Variants in GHR observed in about 807,000 individuals in gnomAD.
GHR encodes the protein growth hormone receptor.
A neutral mutation model predicts 67.1 loss-of-function variants in GHR; 35 were observed. The ratio of observed to expected loss-of-function variants is 0.52; its 90% confidence interval spans 0.40 to 0.69. The LOEUF (loss-of-function observed/expected upper bound fraction) is 0.69, where lower values mean the gene tolerates loss of function less well. GHR is among the 30% of genes least tolerant of loss of function. The probability of loss-of-function intolerance (pLI) is 0.00; values close to 1 mark genes in which losing one functional copy is unlikely to be tolerated. For missense variants in GHR, 792 were observed against 764.6 expected (o/e 1.04, Z -0.42); for synonymous variants, 272 against 269.1 (o/e 1.01, Z -0.10).
chr5:42,473,199 T>C (rs1313732506), intron 1 of GHR, among the ~76,000 whole-genome samples: 1 of 152,110 alleles, frequency 6.6e-6, no homozygotes, highest in Non-Finnish European at 1.5e-5. Flanking sequence ...AGTTTAACAA[T>C]GAGGCCTTAT....
chr5:42,459,957 C>T (rs933542287), intron 1 of GHR, among the ~76,000 whole-genome samples: 1 of 152,108 alleles, frequency 6.6e-6, no homozygotes, highest in African/African-American at 2.4e-5. Flanking sequence ...CTCCCAGCTC[C>T]CCAGATTCAC....
intron 2 of GHR, among the ~76,000 whole-genome samples, chr5:42,580,629 C>T (rs140437487): frequency 0.014 from 2,191 of 152,196 alleles, 22 homozygotes; most frequent in Middle Eastern, 0.034. Context: ...ATGAGGAAGC[C>T]GAGGCCCAGA....
chr5:42,458,916 A>C (rs887236212), intron 1 of GHR, among the ~76,000 whole-genome samples: 1 of 152,230 alleles, frequency 6.6e-6, no homozygotes, highest in Non-Finnish European at 1.5e-5. Context: ...ATGGAAATGC[A>C]AATCAAAACC....
chr5:42,548,462 G>C (rs1177799896), intron 1 of GHR: 3 of 984,892 alleles, frequency 3.0e-6, no homozygotes, highest in Non-Finnish European at 2.4e-6. Context: ...AAAAGTTCTT[G>C]ATATAAAGCC....
Position 42,424,560 on chromosome 5 carries a change from G to A in GHR, c.-12+605G>A. 4 of 1,532,832 alleles carry A rather than the reference G, an allele frequency of 2.6e-6. No individual in the cohort carries two copies. The South Asian group carries it at 3.6e-5, about 14-fold the overall frequency. 95.0% of individuals were successfully genotyped at this position (1,532,832 alleles called of 1,614,324 possible). On this transcript the variant is annotated intron_variant, in intron 1 of 9. Transcript: ENST00000230882. This position sits in a 1 kb window ranked among gnomAD's most constrained non-coding sequence, Gnocchi z 4.1. ...CGCACGTTGGCACCGATGGAACTGGGGTCAGTAGAGTGACAGCCACCAGTC... is the reference window on the plus strand; with the variant it reads ...CGCACGTTGGCACCGATGGAACTGGAGTCAGTAGAGTGACAGCCACCAGTC...
chr5:42,599,357 ATTTTTT>A (rs36037535), intron 2 of GHR, among the ~76,000 whole-genome samples: 1 of 103,922 alleles, frequency 9.6e-6, no homozygotes, highest in African/African-American at 4.0e-5. Context: ...CCTACAGCAC[ATTTTTT>A]TTTTTTTTTT....
At chr5:42,577,856 G>C (rs1209628333) in intron 2 of GHR, among the ~76,000 whole-genome samples, 1 of 152,154 alleles carries the variant, frequency 6.6e-6, no homozygotes, top group African/African-American at 2.4e-5. Context: ...TGAACTTGCT[G>C]TTCCTCTGTT....
chr5:42,540,334 G>A (rs1484339614), intron 1 of GHR, among the ~76,000 whole-genome samples: 10 of 151,920 alleles, frequency 6.6e-5, no homozygotes, highest in Non-Finnish European at 4.4e-5. Flanking sequence ...AGCTAAAAAT[G>A]CAAAGGTTTT....
At position 42,465,860 on chromosome 5, in the gene GHR, G is replaced by A. The variant is rs1160548214; in HGVS notation, c.-12+41905G>A. On this transcript the variant is annotated intron_variant, in intron 1 of 9. Coordinates refer to ENST00000230882, the MANE Select transcript of GHR (RefSeq NM_000163.5). ...TCGGTCAATAATCAGTCTATCAACT[G>A]AAAATTCGCCTCCTTCACCCCTTTC... is the stretch of plus-strand genomic sequence containing the variant. 7 of 741,372 alleles carry A rather than the reference G, an allele frequency of 9.4e-6. No homozygotes were observed. In the East Asian group the frequency reaches 1.2e-4, roughly 13 times the overall value. The allele number at this position is 741,372 out of a possible 1,614,324, so 45.9% of individuals were successfully genotyped here.
At chr5:42,560,855 CAATCAT>C (rs1467631311) in intron 1 of GHR, among the ~76,000 whole-genome samples, 2 of 152,128 alleles carry the variant, frequency 1.3e-5, no homozygotes. Context: ...CTCTCATATC[CAATCAT>C]CACCAAATCT....
At chr5:42,455,316 T>C (rs557512503) in intron 1 of GHR, among the ~76,000 whole-genome samples, 48 of 152,330 alleles carry the variant, frequency 3.2e-4, no homozygotes, top group African/African-American at 1.1e-3. Flanking sequence ...GATATGATCC[T>C]GTGGTGGTTC....
chr5:42,583,896 TAA>T (rs942776195), intron 2 of GHR, among the ~76,000 whole-genome samples: 8 of 149,056 alleles, frequency 5.4e-5, no homozygotes, highest in African/African-American at 1.7e-4. Flanking sequence ...TATATATATA[TAA>T]ATTCTTACAG....
chr5:42,537,767 CA>C (rs200436273), intron 1 of GHR, among the ~76,000 whole-genome samples: 2,767 of 152,148 alleles, frequency 0.018, 25 homozygotes, highest in Middle Eastern at 0.041. Flanking sequence ...TTGAAGTCCC[CA>C]CTATTATTGT....
chr5:42,562,740 T>A (rs1320909814), intron 1 of GHR, among the ~76,000 whole-genome samples: 1 of 136,076 alleles, frequency 7.3e-6, no homozygotes, highest in Non-Finnish European at 1.5e-5. Flanking sequence ...AACCTCCACC[T>A]CCCTGGTTCA....
intron 1 of GHR, among the ~76,000 whole-genome samples, chr5:42,474,133 G>A (rs1745133896): frequency 6.6e-6 from 1 of 151,572 alleles, no homozygotes; most frequent in Admixed American, 6.6e-5. Context: ...AGGTAGTAGT[G>A]AGCCAAGATT....
At chr5:42,713,263 GA>G (rs1003524467) in intron 7 of GHR, among the ~76,000 whole-genome samples, 165 bp from the exon 8 acceptor site, 3 of 151,878 alleles carry the variant, frequency 2.0e-5, no homozygotes, top group South Asian at 2.1e-4. Context: ...TCATAAAACA[GA>G]AAAAAACTAA....
intron 3 of GHR, among the ~76,000 whole-genome samples, chr5:42,658,648 T>C (rs377534771): frequency 1.3e-5 from 2 of 152,172 alleles, no homozygotes; most frequent in African/African-American, 4.8e-5. Flanking sequence ...GGGTGATTTT[T>C]TTCCCCCCAG....
At chr5:42,676,292 A>G (rs996898752) in intron 3 of GHR, among the ~76,000 whole-genome samples, 4 of 152,028 alleles carry the variant, frequency 2.6e-5, no homozygotes, top group Non-Finnish European at 5.9e-5. Flanking sequence ...TAAAAAAAAA[A>G]GGAAGAAATT....
chr5:42,557,674 C>T (rs1749383946), intron 1 of GHR, among the ~76,000 whole-genome samples: 1 of 152,100 alleles, frequency 6.6e-6, no homozygotes. Flanking sequence ...CACTTAACCC[C>T]AAGCCCACCC....
Sources: allele counts gnomAD v4.1 joint callset (sites outside exome capture counted in the v4.1 genomes callset), GRCh38; gene constraint gnomAD v4.1.1; non-coding constraint Gnocchi (gnomAD v3.1); transcripts MANE v1.5; gene names NCBI Gene and HGNC (gene_info 2026-07-23, HGNC 2026-07-21).